SMIM36: variants seen among roughly 807,000 people sequenced by gnomAD.
The protein encoded by SMIM36 is small integral membrane protein 36.
intron 4 of SMIM36, among the ~76,000 whole-genome samples, chr17:55,460,941 T>C (rs545635286): frequency 1.3e-5 from 2 of 152,302 alleles, no homozygotes; most frequent in East Asian, 3.9e-4. Flanking sequence ...TAAGCACATA[T>C]AGTGAACAAG....
chr17:55,499,543 C>G (rs147628479), intron 1 of SMIM36, among the ~76,000 whole-genome samples: 215 of 152,260 alleles, frequency 1.4e-3, no homozygotes, highest in African/African-American at 4.9e-3. Context: ...GTATCTGGCA[C>G]GTAGCGAATT....
chr17:55,495,615 C>T (rs74328307), intron 1 of SMIM36, among the ~76,000 whole-genome samples: 2,383 of 147,500 alleles, frequency 0.016, 58 homozygotes, highest in African/African-American at 0.06. Context: ...TAGTGAGAAC[C>T]CTGTCTCTAT....
the SMIM36 span, among the ~76,000 whole-genome samples, chr17:55,520,991 G>T: frequency 2.0e-5 from 3 of 152,156 alleles, no homozygotes; most frequent in Non-Finnish European, 4.4e-5. Flanking sequence ...AGGCGTGGTG[G>T]TGCACCCTTG....
In SMIM36 at chr17:55,490,234, G is replaced by C. The variant is rs1225855442; in HGVS notation, c.*175-10654C>G. Among the ~76,000 whole-genome samples the C allele has an allele frequency of 3.9e-5, 6 of 152,202 alleles. No homozygotes were observed. The East Asian group carries it at 1.2e-3, about 29-fold the overall frequency. On this transcript the variant is annotated intron_variant, in intron 1 of 4. Coordinates refer to ENST00000636752, the Ensembl canonical transcript of SMIM36. ...GCATCATCAAAAGCATCTAAAGTAG[G>C]GTGGAAAAATCACTAGAAGGGCACT...
At chr17:55,499,432 C>T (rs1295428592) in intron 1 of SMIM36, among the ~76,000 whole-genome samples, 3 of 152,138 alleles carry the variant, frequency 2.0e-5, no homozygotes, top group African/African-American at 7.2e-5. Flanking sequence ...TGTGCACACT[C>T]GAGCTGTTCT....
chr17:55,450,558 A>G (rs906850568), intron 4 of SMIM36, among the ~76,000 whole-genome samples: 1 of 152,216 alleles, frequency 6.6e-6, no homozygotes, highest in African/African-American at 2.4e-5. Flanking sequence ...CACAGAGAAC[A>G]TGGTGGAGGC....
At chr17:55,524,811 C>T in the SMIM36 span, among the ~76,000 whole-genome samples, 1 of 152,180 alleles carries the variant, frequency 6.6e-6, no homozygotes, top group Non-Finnish European at 1.5e-5. Context: ...CTAGGATTGA[C>T]TTCAATCCTG....
chr17:55,450,018 C>A (rs953859181), exon 5 of SMIM36: 1 of 152,134 alleles, frequency 6.6e-6, no homozygotes, highest in Non-Finnish European at 1.5e-5. Flanking sequence ...CTTTATATGA[C>A]ATAAGATATG....
At chr17:55,496,613 T>G (rs1354038043) in intron 1 of SMIM36, among the ~76,000 whole-genome samples, 1 of 152,216 alleles carries the variant, frequency 6.6e-6, no homozygotes, top group Non-Finnish European at 1.5e-5. Flanking sequence ...GATGACGTAA[T>G]GAGAAAGAGA....
intron 1 of SMIM36, among the ~76,000 whole-genome samples, chr17:55,501,720 G>A (rs1475797508): frequency 6.6e-6 from 1 of 150,562 alleles, no homozygotes; most frequent in African/African-American, 2.4e-5. Flanking sequence ...TACATTCGGG[G>A]AGGAGCCAAG....
At chr17:55,470,672 CT>C (rs1447330935) in intron 3 of SMIM36, among the ~76,000 whole-genome samples, 1 of 152,114 alleles carries the variant, frequency 6.6e-6, no homozygotes, top group Non-Finnish European at 1.5e-5. Flanking sequence ...CATTGCTGCC[CT>C]TTTCCCCAGT....
At chr17:55,494,777 T>G (rs1169013666) in intron 1 of SMIM36, among the ~76,000 whole-genome samples, 2 of 152,062 alleles carry the variant, frequency 1.3e-5, no homozygotes, top group African/African-American at 4.8e-5. Context: ...ACATGTATAC[T>G]TTTGTATATT....
At chr17:55,477,195 GA>G (rs1909440106) in intron 3 of SMIM36, 1 of 151,960 alleles carries the variant, frequency 6.6e-6, no homozygotes, top group African/African-American at 2.4e-5. Flanking sequence ...AAAAACAAAC[GA>G]ACAAACAAAA....
rs927728598 is a variant in SMIM36, at chr17:55,511,417, A to G, written c.-83T>C. 7.6e-6 allele frequency: 3 copies of G among 397,334 alleles called. No homozygotes were observed. The highest frequency in any genetic ancestry group is 2.1e-5 in the African/African-American group (1 of 48,624). 24.6% of individuals were successfully genotyped at this position (397,334 alleles called of 1,614,324 possible). On this transcript the variant is annotated 5_prime_UTR_variant, in exon 1 of 5. The change abolishes an upstream ATG in the 5' untranslated region. Coordinates refer to ENST00000636752, the Ensembl canonical transcript of SMIM36. ...CATTGCAGAGAGCAGATCTTAGAGCATCGGAATAGCTACATTGGCTCTGGA... is the reference window on the plus strand; with the variant it reads ...CATTGCAGAGAGCAGATCTTAGAGCGTCGGAATAGCTACATTGGCTCTGGA...
intron 1 of SMIM36, among the ~76,000 whole-genome samples, chr17:55,487,620 T>C (rs776148501): frequency 5.9e-5 from 9 of 152,086 alleles, no homozygotes; most frequent in Non-Finnish European, 2.9e-5. Flanking sequence ...GAAGCTTGAA[T>C]ATATGGGTGG....
intron 1 of SMIM36, among the ~76,000 whole-genome samples, chr17:55,481,948 C>T (rs1315642165): frequency 3.9e-5 from 6 of 152,182 alleles, no homozygotes; most frequent in Non-Finnish European, 8.8e-5. Context: ...TCTCCTGCAT[C>T]GACCTCCCAA....
intron 4 of SMIM36, among the ~76,000 whole-genome samples, chr17:55,460,109 T>C (rs1003509477): frequency 4.6e-5 from 7 of 152,166 alleles, no homozygotes; most frequent in Non-Finnish European, 1.0e-4. Flanking sequence ...TCCTATATGT[T>C]GTTAACTCAT....
At chr17:55,507,466 A>C in intron 1 of SMIM36, among the ~76,000 whole-genome samples, 1 of 109,520 alleles carries the variant, frequency 9.1e-6, no homozygotes. Flanking sequence ...TTCTCAGTAA[A>C]CTATCGCAAG....
intron 4 of SMIM36, among the ~76,000 whole-genome samples, chr17:55,464,084 C>T (rs908667680): frequency 3.3e-5 from 5 of 152,044 alleles, no homozygotes; most frequent in African/African-American, 1.2e-4. Flanking sequence ...CACTGCACTC[C>T]AGCCTGGGTG....
Sources: gnomAD v4.1 joint callset for allele counts (sites outside exome capture counted in the v4.1 genomes callset) on GRCh38, gnomAD v4.1.1 for gene constraint, MANE v1.5 for transcripts, NCBI Gene and HGNC (gene_info 2026-07-23, HGNC 2026-07-21) for gene names.